The following RBFOX1 variants were observed in gnomAD, a reference collection of about 807,000 sequenced individuals.
RBFOX1 encodes the protein RNA binding fox-1 homolog 1.
A neutral mutation model predicts 57.7 loss-of-function variants in RBFOX1; 8 were observed. The observed-to-expected ratio is 0.14, with a 90% CI of 0.08 to 0.25. The LOEUF (loss-of-function observed/expected upper bound fraction) is 0.25, where lower values mean the gene tolerates loss of function less well. RBFOX1 is among the 10% of genes least tolerant of loss of function. The probability of loss-of-function intolerance (pLI) is 1.00; values close to 1 mark genes in which losing one functional copy is unlikely to be tolerated. For synonymous variants in RBFOX1, 326 were observed against 222.4 expected, an observed-to-expected ratio of 1.47 and a Z score of -4.15; for missense variants, 611 against 548.5, an observed-to-expected ratio of 1.11 and a Z score of -1.14.
chr16:5,645,460 G>A (rs1332933079), intron 3 of RBFOX1, among the ~76,000 whole-genome samples: 1 of 152,118 alleles, frequency 6.6e-6, no homozygotes, highest in Non-Finnish European at 1.5e-5. Flanking sequence ...TTGGGAATTG[G>A]ATGTGATGTT....
intron 2 of RBFOX1, among the ~76,000 whole-genome samples, chr16:6,595,144 A>G (rs1304577584): frequency 6.6e-6 from 1 of 152,164 alleles, no homozygotes. Context: ...CCATCAGCGC[A>G]TTCTAAATTT....
intron 2 of RBFOX1, among the ~76,000 whole-genome samples, chr16:5,486,654 G>T (rs1471541042): frequency 6.6e-6 from 1 of 152,150 alleles, no homozygotes; most frequent in Non-Finnish European, 1.5e-5. Context: ...TTGTCCATCA[G>T]GTCTCAGTCT....
intron 3 of RBFOX1, among the ~76,000 whole-genome samples, chr16:6,992,538 C>G (rs2091658125): frequency 2.0e-5 from 3 of 152,060 alleles, no homozygotes; most frequent in Non-Finnish European, 2.9e-5. Context: ...GTACCTTGTT[C>G]ATCCCTTCCA....
At chr16:6,339,070 G>A (rs984251808) in intron 2 of RBFOX1, among the ~76,000 whole-genome samples, 2 of 152,140 alleles carry the variant, frequency 1.3e-5, no homozygotes, top group South Asian at 4.1e-4. Context: ...GGCAAGAAAT[G>A]TATGTGCATG....
intron 1 of RBFOX1, among the ~76,000 whole-genome samples, chr16:5,300,339 C>T (rs916272381): frequency 2.6e-5 from 4 of 151,958 alleles, no homozygotes; most frequent in South Asian, 2.1e-4. Context: ...AAGAATGATA[C>T]GAGGGATCTT....
chr16:6,447,262 T>C (rs1343297894), intron 2 of RBFOX1, among the ~76,000 whole-genome samples: 2 of 152,200 alleles, frequency 1.3e-5, no homozygotes, highest in Non-Finnish European at 2.9e-5. Context: ...AAGGCCTAGT[T>C]TGGAACCTGT....
chr16:7,346,316 A>C (rs2097004201), intron 4 of RBFOX1, among the ~76,000 whole-genome samples: 3 of 151,824 alleles, frequency 2.0e-5, no homozygotes, highest in Admixed American at 1.3e-4. Flanking sequence ...ACGTCTATAG[A>C]GTAAACCACG....
At chr16:7,100,103 CTA>C (rs1824578528) in intron 4 of RBFOX1, among the ~76,000 whole-genome samples, 1 of 150,694 alleles carries the variant, frequency 6.6e-6, no homozygotes, top group African/African-American at 2.5e-5. Context: ...GATTTACATA[CTA>C]AATAAAGCTC....
intron 3 of RBFOX1, among the ~76,000 whole-genome samples, chr16:6,955,791 C>A (rs918302826): frequency 6.6e-6 from 1 of 152,006 alleles, no homozygotes; most frequent in African/African-American, 2.4e-5. Context: ...CTGCAACCTC[C>A]ATTTCCCTGG....
At chr16:6,966,246 C>T (rs1362509218) in intron 3 of RBFOX1, among the ~76,000 whole-genome samples, 1 of 152,084 alleles carries the variant, frequency 6.6e-6, no homozygotes, top group African/African-American at 2.4e-5. Flanking sequence ...ACATCCAGGG[C>T]CAAGGAGGGT....
chr16:6,422,350 A>G (rs1436727900), intron 2 of RBFOX1, among the ~76,000 whole-genome samples: 1 of 151,626 alleles, frequency 6.6e-6, no homozygotes, highest in East Asian at 1.9e-4. Flanking sequence ...TCACCCAGGT[A>G]GTGAGTGTAG....
chr16:5,850,264 TG>T (rs1439444101), intron 3 of RBFOX1, among the ~76,000 whole-genome samples: 37 of 152,138 alleles, frequency 2.4e-4, no homozygotes, highest in Admixed American at 2.6e-4. Flanking sequence ...TGAAATCTCC[TG>T]GAGTAATGAG....
At chr16:7,309,549 C>G (rs1378632682) in intron 4 of RBFOX1, among the ~76,000 whole-genome samples, 3 of 152,204 alleles carry the variant, frequency 2.0e-5, no homozygotes, top group Non-Finnish European at 4.4e-5. Flanking sequence ...TATTAGTGCT[C>G]ACCCGCCATC....
chr16:5,739,248 G>C (rs12051302), intron 3 of RBFOX1, among the ~76,000 whole-genome samples: 42,183 of 152,150 alleles, frequency 0.28, 6,357 homozygotes, highest in East Asian at 0.58. Context: ...GGAACTTGGC[G>C]TCCAATATGG....
chr16:7,453,397 T>C (rs183078046), intron 4 of RBFOX1, among the ~76,000 whole-genome samples: 26 of 152,162 alleles, frequency 1.7e-4, no homozygotes, highest in African/African-American at 5.8e-4. Flanking sequence ...CAGGTGGGGA[T>C]AAGTAGGCAG....
upstream of RBFOX1, among the ~76,000 whole-genome samples, chr16:6,018,290 A>G (rs2152344849): frequency 6.6e-6 from 1 of 152,248 alleles, no homozygotes; most frequent in South Asian, 2.1e-4. Context: ...CCAGGAAGGG[A>G]GAAATATTGC....
chr16:7,487,413 C>G (rs1483632251), intron 4 of RBFOX1, among the ~76,000 whole-genome samples: 5 of 152,196 alleles, frequency 3.3e-5, no homozygotes, highest in East Asian at 3.9e-4. Context: ...CTGAAAGGCA[C>G]TCCCCATGCA....
At chr16:5,557,772 C>T (rs1387975186) in intron 2 of RBFOX1, among the ~76,000 whole-genome samples, 1 of 152,178 alleles carries the variant, frequency 6.6e-6, no homozygotes, top group African/African-American at 2.4e-5. Context: ...CCTGAAGACC[C>T]ATGGCTGTAA....
intron 3 of RBFOX1, among the ~76,000 whole-genome samples, chr16:6,864,173 T>A (rs1345535142): frequency 6.6e-6 from 1 of 152,150 alleles, no homozygotes; most frequent in Non-Finnish European, 1.5e-5. Flanking sequence ...ATTTTAATAA[T>A]TCTTGTCCCA....
Sources: gnomAD v4.1 joint callset for allele counts (sites outside exome capture counted in the v4.1 genomes callset) on GRCh38, gnomAD v4.1.1 for gene constraint, MANE v1.5 for transcripts, NCBI Gene and HGNC (gene_info 2026-07-23, HGNC 2026-07-21) for gene names.